LIMCH1: variants seen among roughly 807,000 people sequenced by gnomAD.
The protein encoded by LIMCH1 is LIM and calponin homology domains-containing protein 1.
LIMCH1 carries 113 observed loss-of-function variants against 176.5 expected under a neutral mutation model. The ratio of observed to expected loss-of-function variants is 0.64; its 90% CI spans 0.55 to 0.75. The LOEUF is 0.75. Ranked by LOEUF, LIMCH1 falls within the 30% of genes least tolerant of loss-of-function variation. The pLI is 0.00. For missense variants in LIMCH1, 1,674 were observed against 1,814.9 expected, an observed-to-expected ratio of 0.92 and a Z score of 1.41; for synonymous variants, 619 against 645.9, an observed-to-expected ratio of 0.96 and a Z score of 0.63.
At chr4:41,457,815 TA>T (rs973257982) in intron 1 of LIMCH1, among the ~76,000 whole-genome samples, 4 of 152,062 alleles carry the variant, frequency 2.6e-5, no homozygotes, top group African/African-American at 9.7e-5. Context: ...ACTGGAGATT[TA>T]AAAAAAATCC....
chr4:41,666,488 T>C, intron 20 of LIMCH1, 73 bp from the exon 21 acceptor site: 1 of 909,384 alleles, frequency 1.1e-6, no homozygotes. Flanking sequence ...CATGGATCCT[T>C]AAATTGTGTG....
At chr4:41,568,825 A>G (rs2083119084) in intron 1 of LIMCH1, among the ~76,000 whole-genome samples, 1 of 152,170 alleles carries the variant, frequency 6.6e-6, no homozygotes. Flanking sequence ...ATTTCTAGAC[A>G]TGTTATTTAC....
intron 3 of LIMCH1, 136 bp from the exon 4 acceptor site, chr4:41,605,758 A>G (rs1561896057): frequency 8.9e-6 from 5 of 560,568 alleles, no homozygotes; most frequent in Non-Finnish European, 1.7e-5. Context: ...TGGATACCTC[A>G]TGGGTGGTGG....
intron 1 of LIMCH1, among the ~76,000 whole-genome samples, chr4:41,491,618 C>T (rs1007868474): frequency 4.9e-5 from 7 of 142,312 alleles, no homozygotes; most frequent in Non-Finnish European, 9.1e-5. Flanking sequence ...GATGGGGTGG[C>T]GATTGGGCAG....
chr4:41,466,363 A>G (rs960716274), intron 1 of LIMCH1, among the ~76,000 whole-genome samples: 3 of 152,218 alleles, frequency 2.0e-5, no homozygotes, highest in Admixed American at 1.3e-4. Flanking sequence ...AAAAATGGCA[A>G]TGCCCAGGCC....
At chr4:41,590,117 C>T (rs2087232073) in intron 1 of LIMCH1, among the ~76,000 whole-genome samples, 2 of 151,730 alleles carry the variant, frequency 1.3e-5, no homozygotes, top group South Asian at 4.2e-4. Flanking sequence ...TTTTTTGAGA[C>T]AGGGTCTCGC....
chr4:41,677,920 G>A (rs1015620779), intron 23 of LIMCH1, among the ~76,000 whole-genome samples: 4 of 152,062 alleles, frequency 2.6e-5, no homozygotes, highest in Admixed American at 2.0e-4. Context: ...AGAAAGCAAT[G>A]CTTTTTTTGA....
chr4:41,586,835 G>T (rs78831446), intron 1 of LIMCH1, among the ~76,000 whole-genome samples: 1 of 152,124 alleles, frequency 6.6e-6, no homozygotes, highest in Non-Finnish European at 1.5e-5. Flanking sequence ...CTGCTGTATG[G>T]ATGGTCATGA....
rs762136762 is a variant in LIMCH1 at position 41,661,530 on chromosome 4, A to G, written c.3127+20A>G. On this transcript the variant is annotated intron_variant, in intron 19 of 31. Coordinates refer to ENST00000503057, the MANE Select transcript of LIMCH1 (RefSeq NM_001330672.2). Reference sequence around the variant, plus strand: ...CATCAGGTTTGTTTCATAAGAGACTAGTTTTAAGGCAAATCATGGTAACTG... The same window carrying G: ...CATCAGGTTTGTTTCATAAGAGACTGGTTTTAAGGCAAATCATGGTAACTG... 4.1e-6 allele frequency: 6 copies of G among 1,476,414 alleles called. No individual in the cohort carries two copies. Among genetic ancestry groups the G allele is most frequent in the Non-Finnish European group, 4.7e-6 (5 of 1,057,844 alleles). 91.5% of individuals were successfully genotyped at this position (1,476,414 alleles called of 1,614,324 possible). A position where few individuals can be genotyped will look rare whatever the true frequency, so the allele number is the denominator to read the frequency against.
chr4:41,419,643 TTTCTTCC>T (rs879604083), intron 1 of LIMCH1, among the ~76,000 whole-genome samples: 9,205 of 88,744 alleles, frequency 0.1, 865 homozygotes, highest in South Asian at 0.2. Context: ...TCCTCCTTCC[TTTCTTCC>T]TCCTTCCTTC....
chr4:41,679,993 A>C lies in LIMCH1; in HGVS notation c.3520-13A>C. On this transcript the variant is annotated splice_polypyrimidine_tract_variant and intron_variant, in intron 23 of 31. Transcript: ENST00000503057. Reference sequence around the variant, plus strand: ...TGGTCAGTTGAGAACAATCTATGGAAATTCCATAACAGGAGAGATACCAGA... The same window carrying C: ...TGGTCAGTTGAGAACAATCTATGGACATTCCATAACAGGAGAGATACCAGA... 1 of 1,592,298 alleles carries C rather than the reference A, an allele frequency of 6.3e-7. No homozygotes were observed. The highest frequency in any genetic ancestry group is 8.6e-7 in the Non-Finnish European group (1 of 1,164,814).
At position 41,650,431 on chromosome 4, in the gene LIMCH1, TAGAG is replaced by T. The variant is rs1400048442; in HGVS notation, c.2862_2865del (p.Glu955ArgfsTer16). Reference sequence around the variant, plus strand: ...TCAGTGTGAATGGAGAGACGGTTCATAGAGAGGAGGAGAAGGAAAGAGAGTGTCC... The same window carrying T: ...TCAGTGTGAATGGAGAGACGGTTCATAGGAGGAGAAGGAAAGAGAGTGTCC... On this transcript the variant is annotated frameshift_variant, in exon 18 of 32. Transcript: ENST00000503057. LOFTEE classifies it high-confidence loss of function. 6 of 1,613,962 alleles carry T rather than the reference TAGAG, an allele frequency of 3.7e-6. No homozygotes were observed. The highest frequency in any genetic ancestry group is 5.1e-6 in the Non-Finnish European group (6 of 1,180,004).
At chr4:41,433,601 A>G (rs1025024654) in intron 1 of LIMCH1, among the ~76,000 whole-genome samples, 1 of 151,584 alleles carries the variant, frequency 6.6e-6, no homozygotes, top group Non-Finnish European at 1.5e-5. Context: ...CCCTCATAGC[A>G]TGGTGGTTTC....
chr4:41,571,847 G>T (rs1277273816), intron 1 of LIMCH1, among the ~76,000 whole-genome samples: 1 of 152,154 alleles, frequency 6.6e-6, no homozygotes, highest in African/African-American at 2.4e-5. Flanking sequence ...TGTCAAGGAT[G>T]TCGAAAACCA....
chr4:41,430,790 C>A (rs577132462), intron 1 of LIMCH1, among the ~76,000 whole-genome samples: 1 of 152,198 alleles, frequency 6.6e-6, no homozygotes, highest in African/African-American at 2.4e-5. Context: ...CTTTAGCAGT[C>A]TAAAAATTGA....
chr4:41,444,347 CACACACAT>C (rs773338999), intron 1 of LIMCH1, among the ~76,000 whole-genome samples: 30 of 141,224 alleles, frequency 2.1e-4, no homozygotes, highest in Non-Finnish European at 3.6e-4. Flanking sequence ...CACACACACA[CACACACAT>C]ATATAGAGTG....
chr4:41,580,402 A>G (rs2085222568), intron 1 of LIMCH1, among the ~76,000 whole-genome samples: 1 of 152,232 alleles, frequency 6.6e-6, no homozygotes, highest in Admixed American at 6.5e-5. Flanking sequence ...CCCACTTGCA[A>G]ATTATGAAAC....
chr4:41,379,961 G>T (rs1270824889), intron 1 of LIMCH1, among the ~76,000 whole-genome samples: 4 of 151,974 alleles, frequency 2.6e-5, no homozygotes, highest in Non-Finnish European at 5.9e-5. Context: ...ACCACACCTG[G>T]CTAATTTTGT....
intron 1 of LIMCH1, among the ~76,000 whole-genome samples, chr4:41,391,361 C>T (rs908569884): frequency 9.2e-5 from 14 of 152,078 alleles, no homozygotes; most frequent in African/African-American, 3.1e-4. Context: ...CTTCTATTTT[C>T]TTGGTGACTA....
Sources: allele counts gnomAD v4.1 joint callset (sites outside exome capture counted in the v4.1 genomes callset), GRCh38; gene constraint gnomAD v4.1.1; transcripts MANE v1.5; gene names NCBI Gene and HGNC (gene_info 2026-07-23, HGNC 2026-07-21).